BICC1: variants seen among roughly 807,000 people sequenced by gnomAD.
BICC1 encodes protein bicaudal C homolog 1.
A neutral mutation model predicts 111.0 loss-of-function variants in BICC1; 43 were observed. The ratio of observed to expected loss-of-function variants is 0.39; its 90% CI spans 0.30 to 0.50. The LOEUF is 0.50. Among genes scored for constraint, BICC1 ranks in the 20% least tolerant of loss-of-function variants. The pLI, the probability that BICC1 is intolerant of heterozygous loss-of-function variation, is 0.88. For synonymous variants in BICC1, 467 were observed against 434.4 expected, an observed-to-expected ratio of 1.07 and a Z score of -0.93; for missense variants, 1,091 against 1,203.2, an observed-to-expected ratio of 0.91 and a Z score of 1.38.
chr10:58,732,878 C>T (rs1240032412), intron 3 of BICC1, among the ~76,000 whole-genome samples: 1 of 151,952 alleles, frequency 6.6e-6, no homozygotes, highest in Admixed American at 6.6e-5. Context: ...ATCACCATAA[C>T]AAATATAATA....
At chr10:58,564,548 G>T (rs1392391742) in intron 1 of BICC1, among the ~76,000 whole-genome samples, 1 of 152,180 alleles carries the variant, frequency 6.6e-6, no homozygotes, top group Non-Finnish European at 1.5e-5. Context: ...ATGACATTAT[G>T]CTGTTTTCTA....
At chr10:58,640,357 CAGGT>C (rs1465866304) in intron 2 of BICC1, among the ~76,000 whole-genome samples, 1 of 152,162 alleles carries the variant, frequency 6.6e-6, no homozygotes, top group Non-Finnish European at 1.5e-5. Flanking sequence ...TACCTATAAA[CAGGT>C]AGGGCTGTCA....
intron 1 of BICC1, among the ~76,000 whole-genome samples, chr10:58,619,445 T>C (rs551949052): frequency 1.1e-4 from 16 of 151,928 alleles, no homozygotes; most frequent in African/African-American, 2.9e-4. Flanking sequence ...TGTTATTTCT[T>C]TGAGGGCAGA....
intron 3 of BICC1, among the ~76,000 whole-genome samples, chr10:58,738,338 AATAGGGAACCTTTCCCC>A: frequency 4.0e-4 from 1 of 2,502 alleles, no homozygotes; most frequent in Non-Finnish European, 1.7e-3. Context: ...CCATTTATTA[AATAGGGAACCTTTCCCC>A]ATTTCTTGTT....
intron 1 of BICC1, among the ~76,000 whole-genome samples, chr10:58,601,074 A>T (rs893370): frequency 0.47 from 67,347 of 144,820 alleles, 16,640 homozygotes; most frequent in Admixed American, 0.62. Flanking sequence ...CTTGATAAGA[A>T]CACTTCACTA....
chr10:58,784,684 A>T (rs1349285345), intron 3 of BICC1, among the ~76,000 whole-genome samples: 1 of 61,278 alleles, frequency 1.6e-5, no homozygotes, highest in Non-Finnish European at 3.9e-5. Flanking sequence ...AATAAATCCA[A>T]TTTATAAAAA....
intron 3 of BICC1, among the ~76,000 whole-genome samples, chr10:58,763,057 G>GA (rs11396319): frequency 0.31 from 47,162 of 151,662 alleles, 7,601 homozygotes; most frequent in East Asian, 0.47. Context: ...GGAAATATAG[G>GA]AAAAAAAACA....
At chr10:58,774,541 T>C (rs1287766648) in intron 3 of BICC1, among the ~76,000 whole-genome samples, 1 of 152,212 alleles carries the variant, frequency 6.6e-6, no homozygotes, top group Admixed American at 6.5e-5. Context: ...ACAGAAGCGC[T>C]TAGAGCATAA....
At chr10:58,753,733 C>T (rs1842058178) in intron 3 of BICC1, among the ~76,000 whole-genome samples, 1 of 151,952 alleles carries the variant, frequency 6.6e-6, no homozygotes, top group African/African-American at 2.4e-5. Flanking sequence ...TCTTTTTCTT[C>T]ATCCCTCCTT....
chr10:58,729,256 T>C (rs1841210799), intron 3 of BICC1, among the ~76,000 whole-genome samples: 1 of 152,218 alleles, frequency 6.6e-6, no homozygotes, highest in South Asian at 2.1e-4. Context: ...TTCATCAATT[T>C]TCATAGCTAG....
At chr10:58,757,105 A>G (rs932008546) in intron 3 of BICC1, among the ~76,000 whole-genome samples, 1 of 152,228 alleles carries the variant, frequency 6.6e-6, no homozygotes, top group Non-Finnish European at 1.5e-5. Context: ...GGGATGCTGA[A>G]CAGGACTTAT....
intron 3 of BICC1, among the ~76,000 whole-genome samples, chr10:58,737,668 C>T (rs922283456): frequency 6.6e-5 from 10 of 152,178 alleles, no homozygotes; most frequent in Non-Finnish European, 1.5e-4. Context: ...CCTGAGGAAT[C>T]GCCACACTGT....
At chr10:58,709,677 C>G (rs1840512339) in intron 3 of BICC1, among the ~76,000 whole-genome samples, 1 of 152,206 alleles carries the variant, frequency 6.6e-6, no homozygotes, top group South Asian at 2.1e-4. Context: ...TTATTGCCTT[C>G]CCAGATGAGT....
intron 3 of BICC1, among the ~76,000 whole-genome samples, chr10:58,739,988 A>G (rs1297520386): frequency 6.6e-6 from 1 of 152,200 alleles, no homozygotes; most frequent in Non-Finnish European, 1.5e-5. Flanking sequence ...GAATATATAC[A>G]TGACCTTGTG....
At chr10:58,696,496 C>T (rs1840069669) in intron 2 of BICC1, among the ~76,000 whole-genome samples, 1 of 152,024 alleles carries the variant, frequency 6.6e-6, no homozygotes, top group Admixed American at 6.5e-5. Context: ...ATTATTAGTT[C>T]CCTATAGGAA....
intron 2 of BICC1, among the ~76,000 whole-genome samples, chr10:58,668,225 T>G (rs560194743): frequency 6.6e-6 from 1 of 152,228 alleles, no homozygotes; most frequent in Admixed American, 6.5e-5. Flanking sequence ...GGTGCATTAT[T>G]GCCTTGGGCC....
intron 1 of BICC1, among the ~76,000 whole-genome samples, chr10:58,575,681 C>T (rs1844092019): frequency 6.6e-6 from 1 of 151,974 alleles, no homozygotes; most frequent in African/African-American, 2.4e-5. Flanking sequence ...GCTTCAGCCT[C>T]CTAGGCAGCT....
At chr10:58,637,072 A>AT (rs1221732820) in intron 2 of BICC1, among the ~76,000 whole-genome samples, 4 of 151,758 alleles carry the variant, frequency 2.6e-5, no homozygotes, top group African/African-American at 9.7e-5. Flanking sequence ...TAAAGCTGTG[A>AT]TCGTAACTTT....
At chr10:58,589,947 A>G (rs1198977849) in intron 1 of BICC1, among the ~76,000 whole-genome samples, 2 of 152,056 alleles carry the variant, frequency 1.3e-5, no homozygotes, top group Non-Finnish European at 2.9e-5. Context: ...CTAGGACCAT[A>G]TATGCACACC....
Sources: gnomAD v4.1 joint callset for allele counts (sites outside exome capture counted in the v4.1 genomes callset) on GRCh38, gnomAD v4.1.1 for gene constraint, MANE v1.5 for transcripts, NCBI Gene and HGNC (gene_info 2026-07-23, HGNC 2026-07-21) for gene names.